Variants in SLC24A2 observed in about 807,000 individuals in gnomAD.
The protein encoded by SLC24A2 is sodium/potassium/calcium exchanger 2.
SLC24A2 carries 36 observed loss-of-function variants against 62.0 expected under a neutral mutation model. The ratio of observed to expected loss-of-function variants is 0.58; its 90% confidence interval spans 0.44 to 0.77. The LOEUF (loss-of-function observed/expected upper bound fraction) is 0.77. Ranked by LOEUF, SLC24A2 falls within the 30% of genes least tolerant of loss-of-function variation. The pLI is 0.00. For missense variants in SLC24A2, 846 were observed against 817.9 expected (o/e 1.03, Z -0.42); for synonymous variants, 358 against 294.0 (o/e 1.22, Z -2.23).
chr9:19,921,986 G>A, the SLC24A2 span, among the ~76,000 whole-genome samples: 1 of 152,160 alleles, frequency 6.6e-6, no homozygotes, highest in Non-Finnish European at 1.5e-5. Flanking sequence ...TCCTTCCCAA[G>A]AATCCTATGA....
the SLC24A2 span, among the ~76,000 whole-genome samples, chr9:20,156,796 T>C: frequency 6.6e-6 from 1 of 151,794 alleles, no homozygotes; most frequent in Non-Finnish European, 1.5e-5. Flanking sequence ...GCACTAAGTA[T>C]AAAACAGCTA....
At chr9:20,067,707 G>C in the SLC24A2 span, among the ~76,000 whole-genome samples, 1 of 152,084 alleles carries the variant, frequency 6.6e-6, no homozygotes, top group Non-Finnish European at 1.5e-5. Context: ...TGCTGCAAAG[G>C]ACATCATTAC....
the SLC24A2 span, among the ~76,000 whole-genome samples, chr9:20,208,230 G>A: frequency 5.4e-3 from 818 of 152,320 alleles, 12 homozygotes; most frequent in African/African-American, 0.018. Flanking sequence ...AGCATTCCAA[G>A]CAGGTTAACG....
At chr9:19,560,348 T>C (rs1835329272) in intron 7 of SLC24A2, among the ~76,000 whole-genome samples, 1 of 132,296 alleles carries the variant, frequency 7.6e-6, no homozygotes, top group African/African-American at 2.8e-5. Context: ...TCTACACTCC[T>C]CTGTATTCAG....
At chr9:19,970,361 T>C in the SLC24A2 span, among the ~76,000 whole-genome samples, 2 of 152,198 alleles carry the variant, frequency 1.3e-5, no homozygotes, top group Non-Finnish European at 2.9e-5. Context: ...TTAAAATAAT[T>C]GTCTCCCTCA....
At chr9:19,844,641 A>G in the SLC24A2 span, among the ~76,000 whole-genome samples, 2 of 151,836 alleles carry the variant, frequency 1.3e-5, no homozygotes, top group African/African-American at 4.8e-5. Flanking sequence ...TGGGATTCTT[A>G]TATTTTGACG....
chr9:19,539,654 T>C (rs1250673671), intron 8 of SLC24A2, among the ~76,000 whole-genome samples: 60 of 67,828 alleles, frequency 8.8e-4, no homozygotes, highest in East Asian at 4.0e-3. Flanking sequence ...ATAGGTGTGG[T>C]GTGGTGCTGA....
intron 5 of SLC24A2, among the ~76,000 whole-genome samples, chr9:19,578,593 TA>T (rs1202648646): frequency 6.6e-6 from 1 of 151,792 alleles, no homozygotes; most frequent in African/African-American, 2.4e-5. Context: ...AGCAGCATAT[TA>T]ACAGGGGATC....
rs1284839367 is a variant in SLC24A2 at position 19,786,693 on chromosome 9, G to C, written c.174C>G (p.Ala58=). The stretch of plus-strand genomic sequence containing the variant: ...TGCTCTGTGTATCTGTCTCAGAAAA[G>C]GCACTGATTGAAAATGAGACAGTGC... ...AISTVSFSIS[A]FSETDTQSTG... Residue 58 remains alanine, a synonymous_variant, in exon 2 of 11, where the codon GCC becomes GCG. Transcript: ENST00000341998. This position sits in a 1 kb window ranked among gnomAD's most constrained non-coding sequence, Gnocchi z 5.0. The C allele has an allele frequency of 1.8e-5, 29 of 1,612,308 alleles. No individual in the cohort carries two copies. The highest frequency in any genetic ancestry group is 2.5e-5 in the Non-Finnish European group (29 of 1,178,988).
intron 2 of SLC24A2, among the ~76,000 whole-genome samples, chr9:19,773,015 A>G (rs1374299196): frequency 6.6e-6 from 1 of 152,252 alleles, no homozygotes. Flanking sequence ...AGGTTACAAC[A>G]TGGACGAACC....
the SLC24A2 span, among the ~76,000 whole-genome samples, chr9:20,101,655 G>C: frequency 6.6e-6 from 1 of 152,128 alleles, no homozygotes; most frequent in African/African-American, 2.4e-5. Context: ...GGGAGAAAAG[G>C]AATGGAGACC....
the SLC24A2 span, chr9:19,895,902 G>C: frequency 6.2e-7 from 1 of 1,613,458 alleles, no homozygotes; most frequent in Non-Finnish European, 8.5e-7. Flanking sequence ...GCCGGGCAGG[G>C]TCAAATTCTA....
chr9:19,602,675 G>A (rs1836872289), intron 4 of SLC24A2, among the ~76,000 whole-genome samples: 1 of 152,194 alleles, frequency 6.6e-6, no homozygotes, highest in Non-Finnish European at 1.5e-5. Flanking sequence ...TTAAAAGAGT[G>A]TGTTCTGGGG....
the SLC24A2 span, among the ~76,000 whole-genome samples, chr9:20,244,655 GA>G: frequency 6.6e-6 from 1 of 152,206 alleles, no homozygotes; most frequent in African/African-American, 2.4e-5. Context: ...GTTCAAAAGA[GA>G]AATTACTCTC....
At chr9:20,180,066 T>A in the SLC24A2 span, among the ~76,000 whole-genome samples, 2 of 152,274 alleles carry the variant, frequency 1.3e-5, no homozygotes, top group East Asian at 3.9e-4. Context: ...CTGGCTAAAA[T>A]CAACATACAC....
intron 2 of SLC24A2, among the ~76,000 whole-genome samples, chr9:19,775,017 G>A (rs1464794760): frequency 1.3e-5 from 2 of 152,220 alleles, no homozygotes; most frequent in Non-Finnish European, 2.9e-5. Context: ...TTGGGGCAAA[G>A]TGCCTGGCCC....
the SLC24A2 span, among the ~76,000 whole-genome samples, chr9:20,274,263 C>G: frequency 4.3e-4 from 65 of 152,068 alleles, no homozygotes; most frequent in African/African-American, 1.5e-3. Context: ...ACCAGGAGTG[C>G]TGGGGGCCTG....
the SLC24A2 span, among the ~76,000 whole-genome samples, chr9:20,275,533 C>G: frequency 1.3e-5 from 2 of 152,314 alleles, no homozygotes; most frequent in East Asian, 3.9e-4. Flanking sequence ...ATACATTCCT[C>G]TTCTTAGACA....
chr9:19,744,950 T>C lies in SLC24A2; in HGVS notation c.930+40987A>G, dbSNP rs78749900. On this transcript the variant is annotated intron_variant, in intron 2 of 10. Coordinates refer to ENST00000341998, the MANE Select transcript of SLC24A2 (RefSeq NM_020344.4). ...TATTCTTGAAGGTCACTAGGAAGTTTCTAACTAGTTGATATGGTCTGGACA... is the reference window on the plus strand; with the variant it reads ...TATTCTTGAAGGTCACTAGGAAGTTCCTAACTAGTTGATATGGTCTGGACA... Among the ~76,000 whole-genome samples, 1,187 of 152,304 alleles carry C rather than the reference T, an allele frequency of 7.8e-3. 7 individuals carry two copies. Among genetic ancestry groups the C allele is most frequent in the Non-Finnish European group, 0.012 (794 of 68,006 alleles).
Sources: allele counts gnomAD v4.1 joint callset (sites outside exome capture counted in the v4.1 genomes callset), GRCh38; gene constraint gnomAD v4.1.1; non-coding constraint Gnocchi (gnomAD v3.1); transcripts MANE v1.5; gene names NCBI Gene and HGNC (gene_info 2026-07-23, HGNC 2026-07-21).